Variants in CLIC2 observed in about 807,000 individuals in gnomAD.
CLIC2 encodes chloride intracellular channel protein 2.
CLIC2 carries 9 observed loss-of-function variants against 14.8 expected under a neutral mutation model. The ratio of observed to expected loss-of-function variants is 0.61; its 90% CI spans 0.37 to 1.06. CLIC2 has a LOEUF of 1.06. CLIC2 is among the 50% of genes least tolerant of loss of function. CLIC2 has a pLI of 0.01. For synonymous variants in CLIC2, 61 were observed against 66.3 expected (o/e 0.92, Z 0.39); for missense variants, 148 against 181.4 (o/e 0.82, Z 1.06).
intron 1 of CLIC2, among the ~76,000 whole-genome samples, chrX:155,317,437 T>C (rs1411408816): frequency 9.0e-6 from 1 of 111,717 alleles, no homozygotes; most frequent in East Asian, 2.8e-4. Flanking sequence ...CATCTTTACA[T>C]GCATAAACTA....
At chrX:155,320,591 C>T (rs2075110749) in intron 1 of CLIC2, among the ~76,000 whole-genome samples, 1 of 111,851 alleles carries the variant, frequency 8.9e-6, no homozygotes, top group Admixed American at 9.5e-5. Flanking sequence ...TAGACAAATC[C>T]ACAAATATGA....
intron 1 of CLIC2, among the ~76,000 whole-genome samples, chrX:155,321,356 A>G (rs899824923): frequency 1.3e-4 from 15 of 112,284 alleles, no homozygotes; most frequent in African/African-American, 4.9e-4. Flanking sequence ...TCAGACTAAT[A>G]GCAGATCTCT....
chrX:155,314,080 C>A (rs1378277686), intron 1 of CLIC2, among the ~76,000 whole-genome samples: 1 of 111,173 alleles, frequency 9.0e-6, no homozygotes, highest in East Asian at 2.8e-4. Flanking sequence ...ACCCTGCCCC[C>A]ACTTGGTGGT....
At chrX:155,287,197 C>T (rs929363475) in intron 3 of CLIC2, among the ~76,000 whole-genome samples, 4 of 111,986 alleles carry the variant, frequency 3.6e-5, no homozygotes, top group Non-Finnish European at 7.5e-5. Flanking sequence ...CAGCCCAGCA[C>T]CATTTATTGA....
Position 155,279,981 on chromosome X carries a change from T to A in CLIC2, c.381A>T (p.Thr127=). ...FAKFSAYIKN[T]QKEANKNFEK... ...TCTTACTCTTATTTGCCTCCTTTTG[T>A]GTATTCTTAATGTATGCAGAAAACT... Residue 127 remains threonine (T), a synonymous_variant, in exon 4 of 6, where the codon ACA becomes ACT. Transcript: ENST00000369449. 2 of 1,198,471 alleles carry A rather than the reference T, an allele frequency of 1.7e-6. No individual in the cohort carries two copies. Among genetic ancestry groups the A allele is most frequent in the Non-Finnish European group, 2.3e-6 (2 of 883,417 alleles).
At chrX:155,314,605 CAT>C (rs782389751) in intron 1 of CLIC2, among the ~76,000 whole-genome samples, 1 of 112,144 alleles carries the variant, frequency 8.9e-6, no homozygotes, top group South Asian at 3.7e-4. Flanking sequence ...TTCCCTCTGA[CAT>C]AGTCTAAGCA....
chrX:155,279,814 C>A (rs941745431), intron 4 of CLIC2, 148 bp downstream of exon 4: 1 of 457,889 alleles, frequency 2.2e-6, no homozygotes, highest in Non-Finnish European at 3.9e-6. Context: ...CAACTTCATG[C>A]GAGGGAATTT....
rs185875507 is a variant in CLIC2, at chrX:155,331,250, G to C, written c.57+3121C>G. ...GAAGGGTGGATCGCCTTTGGCAAAAGGAAAATCAAAACACTGAGGTGTGGG... is the reference window on the plus strand; with the variant it reads ...GAAGGGTGGATCGCCTTTGGCAAAACGAAAATCAAAACACTGAGGTGTGGG... On this transcript the variant is annotated intron_variant, in intron 1 of 5. Coordinates refer to ENST00000369449, the MANE Select transcript of CLIC2 (RefSeq NM_001289.6). 5.4e-5 allele frequency among the ~76,000 whole-genome samples: 6 copies of C among 110,912 alleles called. No individual in the cohort carries two copies. The East Asian group carries it at 1.7e-3, about 32-fold the overall frequency.
At chrX:155,289,214 A>G (rs1384765272) in intron 3 of CLIC2, among the ~76,000 whole-genome samples, 1 of 111,794 alleles carries the variant, frequency 8.9e-6, no homozygotes, top group Non-Finnish European at 1.9e-5. Context: ...CGCAGCATAA[A>G]GTTTAGATCA....
chrX:155,322,031 C>T (rs1461060285), intron 1 of CLIC2, among the ~76,000 whole-genome samples: 1 of 111,403 alleles, frequency 9.0e-6, no homozygotes, highest in Non-Finnish European at 1.9e-5. Flanking sequence ...TATATATGCA[C>T]CCAATACAGG....
At chrX:155,323,316 CA>C (rs1201274071) in intron 1 of CLIC2, among the ~76,000 whole-genome samples, 1 of 111,976 alleles carries the variant, frequency 8.9e-6, no homozygotes, top group Non-Finnish European at 1.9e-5. Flanking sequence ...AGCAGCACAT[CA>C]AAAAGCTTAT....
chrX:155,326,678 C>G (rs894144919), intron 1 of CLIC2, among the ~76,000 whole-genome samples: 1 of 111,208 alleles, frequency 9.0e-6, no homozygotes, highest in Non-Finnish European at 1.9e-5. Flanking sequence ...TAGTGACAAC[C>G]AAAATGTCCT....
chrX:155,328,428 C>T, intron 1 of CLIC2, among the ~76,000 whole-genome samples: 1 of 110,344 alleles, frequency 9.1e-6, no homozygotes, highest in Non-Finnish European at 1.9e-5. Flanking sequence ...AAATAAAGTA[C>T]ATAGTAATTA....
intron 5 of CLIC2, among the ~76,000 whole-genome samples, chrX:155,278,494 C>T (rs1557316044): frequency 1.8e-5 from 2 of 112,106 alleles, no homozygotes; most frequent in East Asian, 2.8e-4. Flanking sequence ...ACTAATAGCC[C>T]AAATTGGTTA....
In CLIC2 at chrX:155,300,795, T is replaced by C. The variant is rs1317850325; in HGVS notation, c.58-1650A>G. Among the ~76,000 whole-genome samples, 22 of 92,089 alleles carry C rather than the reference T, an allele frequency of 2.4e-4. 1 individual carries two copies. In the South Asian group the frequency reaches 0.011, roughly 44 times the overall value. The allele number at this position is 92,089 out of a possible 115,157, so 80.0% of individuals were successfully genotyped here. A position where few individuals can be genotyped will look rare whatever the true frequency, so the allele number is the denominator to read the frequency against. On this transcript the variant is annotated intron_variant, in intron 1 of 5. Coordinates refer to ENST00000369449, the MANE Select transcript of CLIC2 (RefSeq NM_001289.6). ...GGATCCAGTTTCAGCTTTCTACATA[T>C]GGCTAGCCAGTTTTCCCAGCACCAT...
rs183376963 is a variant in CLIC2, at chrX:155,312,615, T to C, written c.58-13470A>G. Among the ~76,000 whole-genome samples the C allele has an allele frequency of 2.0e-4, 22 of 112,038 alleles. No individual in the cohort carries two copies. In the East Asian group the frequency reaches 5.3e-3, roughly 27 times the overall value. On this transcript the variant is annotated intron_variant, in intron 1 of 5. Coordinates refer to ENST00000369449, the MANE Select transcript of CLIC2 (RefSeq NM_001289.6). Reference sequence around the variant, plus strand: ...AGGTAAGGTGATTCCTCCAGCTTTGTTCTTTTTGCTTAGGATTGCTTTGAC... The same window carrying C: ...AGGTAAGGTGATTCCTCCAGCTTTGCTCTTTTTGCTTAGGATTGCTTTGAC...
chrX:155,319,192 A>G (rs1206393984), intron 1 of CLIC2, among the ~76,000 whole-genome samples: 1 of 112,302 alleles, frequency 8.9e-6, no homozygotes, highest in African/African-American at 3.2e-5. Flanking sequence ...AATGCAATAC[A>G]AACAAAGCTA....
chrX:155,305,811 T>A (rs1173511004), intron 1 of CLIC2, among the ~76,000 whole-genome samples: 4 of 112,370 alleles, frequency 3.6e-5, no homozygotes, highest in Non-Finnish European at 5.6e-5. Context: ...ATGTAAAATT[T>A]AAATTTACAT....
rs1186815787 is a variant in CLIC2, at chrX:155,290,855, A to G, written c.293+7930T>C. 2.0e-5 allele frequency: 13 copies of G among 648,691 alleles called. No individual in the cohort carries two copies. In the East Asian group the frequency reaches 4.2e-4, roughly 21 times the overall value. The allele number at this position is 648,691 out of a possible 1,213,427, so 53.5% of individuals were successfully genotyped here. ...AGAAATAGGAAATGCTACTCCTTGT[A>G]GTGTTTGATGCTTAGCGTCCACACC... On this transcript the variant is annotated intron_variant, in intron 3 of 5. Coordinates refer to ENST00000369449, the MANE Select transcript of CLIC2 (RefSeq NM_001289.6).
Sources: gnomAD v4.1 joint callset for allele counts (sites outside exome capture counted in the v4.1 genomes callset) on GRCh38, gnomAD v4.1.1 for gene constraint, MANE v1.5 for transcripts, NCBI Gene and HGNC (gene_info 2026-07-23, HGNC 2026-07-21) for gene names.